Variants in SHKBP1 observed in about 807,000 individuals in gnomAD.
SHKBP1 encodes SH3KBP1-binding protein 1.
Under a neutral mutation model 83.9 loss-of-function variants are expected in SHKBP1, and 71 were observed. The ratio of observed to expected loss-of-function variants is 0.85; its 90% CI spans 0.70 to 1.03. The LOEUF (loss-of-function observed/expected upper bound fraction) is 1.03. SHKBP1 is among the 50% of genes least tolerant of loss of function. SHKBP1 has a pLI of 0.00. For missense variants in SHKBP1, 824 were observed against 982.4 expected (o/e 0.84, Z 2.16); for synonymous variants, 371 against 398.0 (o/e 0.93, Z 0.81).
chr19:40,589,959 G>T (rs1305229060), intron 15 of SHKBP1, among the ~76,000 whole-genome samples: 4 of 151,996 alleles, frequency 2.6e-5, no homozygotes, highest in Admixed American at 2.6e-4. Context: ...CCAGGGAGGA[G>T]GCCAGGAGGC....
At position 40,580,945 on chromosome 19, in the gene SHKBP1, C is replaced by T; in HGVS notation, c.844+9C>T. On this transcript the variant is annotated intron_variant, in intron 9 of 17. Coordinates refer to ENST00000291842, the MANE Select transcript of SHKBP1 (RefSeq NM_138392.4). ...CGGTGGCTCCGAGATAGGTATGACC[C>T]CAAGCCTTTTCCAGAACCCTCTGTC... 1.3e-6 allele frequency: 2 copies of T among 1,525,520 alleles called. No individual in the cohort carries two copies. The highest frequency in any genetic ancestry group is 1.4e-5 in the African/African-American group (1 of 72,056). The allele number at this position is 1,525,520 out of a possible 1,614,324, so 94.5% of individuals were successfully genotyped here.
In SHKBP1 at chr19:40,580,784, GC is replaced by G. The variant is rs1471092029; in HGVS notation, c.697del (p.Arg233AlafsTer49). On this transcript the variant is annotated frameshift_variant, in exon 9 of 18. Coordinates refer to ENST00000291842, the MANE Select transcript of SHKBP1 (RefSeq NM_138392.4). LOFTEE classifies it high-confidence loss of function. ...TCTGGCTGGCAGCTGGTGTTTTCCA[GC>G]CCCCGCCTGGACTGGCCCATCGAAC... is the stretch of plus-strand genomic sequence containing the variant. Reference protein sequence around the residue: ...EASGWQLVFSSPRLDWPIERL... With the variant: ...EASGWQLVFSXPRLDWPIERL... The G allele has an allele frequency of 6.2e-7, 1 of 1,611,306 alleles. No individual in the cohort carries two copies. Among genetic ancestry groups the G allele is most frequent in the Admixed American group, 1.7e-5 (1 of 59,734 alleles).
chr19:40,584,272 GT>G (rs56303204), intron 12 of SHKBP1, among the ~76,000 whole-genome samples: 12,830 of 152,202 alleles, frequency 0.084, 583 homozygotes, highest in Middle Eastern at 0.11. Context: ...TAATCTTTGT[GT>G]TTCTTTCCCA....
intron 4 of SHKBP1, 62 bp from the exon 5 acceptor site, chr19:40,578,092 C>T: frequency 1.4e-6 from 2 of 1,387,222 alleles, no homozygotes; most frequent in Non-Finnish European, 2.0e-6. Flanking sequence ...AAATTACCCT[C>T]TCAGCATTCT....
chr19:40,576,919 C>G lies in SHKBP1; in HGVS notation c.20C>G (p.Ala7Gly). The G allele has an allele frequency of 6.8e-7, 1 of 1,480,430 alleles. No individual in the cohort carries two copies. Among genetic ancestry groups the G allele is most frequent in the South Asian group, 1.4e-5 (1 of 71,692 alleles). 91.7% of individuals were successfully genotyped at this position (1,480,430 alleles called of 1,614,324 possible). A position where few individuals can be genotyped will look rare whatever the true frequency, so the allele number is the denominator to read the frequency against. ...GGGGCCATGGCAGCAGCGGCTACTG[C>G]AGCCGAGGGGGTCCCCAGTCGGGGG... is the stretch of plus-strand genomic sequence containing the variant. MAAAATAAEGVPSRGPP... is the reference protein window; with the variant it reads MAAAATGAEGVPSRGPP... Residue 7 changes from alanine to glycine, a missense_variant, in exon 1 of 18, where the codon GCA (alanine) becomes GGA (glycine). Ala to Gly is a moderately conservative substitution (Grantham distance 60). Around this residue, in one of 3 missense-constraint regions of SHKBP1, gnomAD observed 355 missense variants for 386.4 expected, o/e 0.92. Transcript: ENST00000291842.
chr19:40,583,783 C>A, intron 12 of SHKBP1, 66 bp downstream of exon 12: 3 of 1,252,226 alleles, frequency 2.4e-6, no homozygotes, highest in South Asian at 1.2e-5. Flanking sequence ...CTGCAGCTGT[C>A]CCCCAACTTG....
intron 13 of SHKBP1, among the ~76,000 whole-genome samples, chr19:40,587,869 A>C (rs1431831389): frequency 3.9e-5 from 6 of 152,102 alleles, no homozygotes; most frequent in Non-Finnish European, 8.8e-5. Context: ...GCACCCCTGC[A>C]CTCCAGCCCA....
At chr19:40,580,289 A>G in intron 6 of SHKBP1, 35 bp from the exon 7 acceptor site, 1 of 1,585,474 alleles carries the variant, frequency 6.3e-7, no homozygotes, top group Non-Finnish European at 8.6e-7. Flanking sequence ...CCACGATTAC[A>G]ATGACTGTTA....
At chr19:40,583,905 A>G (rs1012008735) in intron 12 of SHKBP1, among the ~76,000 whole-genome samples, 188 bp downstream of exon 12, 4 of 151,946 alleles carry the variant, frequency 2.6e-5, no homozygotes, top group Admixed American at 2.0e-4. Context: ...CAGTGGTGCA[A>G]TCTTGGCTCA....
Position 40,591,360 on chromosome 19 carries a change from GC to G in SHKBP1, c.*155del, listed in dbSNP as rs1387643331. Reference sequence around the variant, plus strand: ...TCCCCACCTTCCCTCTTTTCTGGAAGCCAAAGTCACCCTCCCCAATAAAGTC... The same window carrying G: ...TCCCCACCTTCCCTCTTTTCTGGAAGCAAAGTCACCCTCCCCAATAAAGTC... On this transcript the variant is annotated 3_prime_UTR_variant, in exon 18 of 18. Transcript: ENST00000291842. The G allele has an allele frequency of 1.1e-5, 7 of 628,422 alleles. No homozygotes were observed. The highest frequency in any genetic ancestry group is 1.8e-5 in the Non-Finnish European group (7 of 389,768). The allele number at this position is 628,422 out of a possible 1,614,324, so 38.9% of individuals were successfully genotyped here.
chr19:40,589,293 C>T (rs1179965230), intron 15 of SHKBP1, 115 bp downstream of exon 15: 7 of 1,053,522 alleles, frequency 6.6e-6, no homozygotes, highest in South Asian at 1.4e-5. Context: ...GGGTCCCAGC[C>T]AAGGAGCATT....
intron 5 of SHKBP1, 31 bp from the exon 6 acceptor site, chr19:40,578,431 A>G (rs1372836537): frequency 1.2e-6 from 2 of 1,612,236 alleles, no homozygotes; most frequent in Non-Finnish European, 1.7e-6. Context: ...GCATCTCCCT[A>G]AGTCCCAGCC....
In SHKBP1 at chr19:40,580,250, T is replaced by C. The variant is rs753141994; in HGVS notation, c.401-74T>C. Reference sequence around the variant, plus strand: ...CCACACATGGGGAAATCAATCACCGTCATATTTTAAGTGCTTGCTGTGTGA... The same window carrying C: ...CCACACATGGGGAAATCAATCACCGCCATATTTTAAGTGCTTGCTGTGTGA... On this transcript the variant is annotated intron_variant, in intron 6 of 17. Coordinates refer to ENST00000291842, the MANE Select transcript of SHKBP1 (RefSeq NM_138392.4). 2.6e-6 allele frequency: 4 copies of C among 1,520,778 alleles called. No homozygotes were observed. In the Admixed American group the frequency reaches 7.8e-5, roughly 30 times the overall value. 94.2% of individuals were successfully genotyped at this position (1,520,778 alleles called of 1,614,324 possible). A position where few individuals can be genotyped will look rare whatever the true frequency, so the allele number is the denominator to read the frequency against.
chr19:40,580,192 C>G, intron 6 of SHKBP1, 132 bp from the exon 7 acceptor site: 1 of 1,041,740 alleles, frequency 9.6e-7, no homozygotes, highest in Non-Finnish European at 1.4e-6. Flanking sequence ...TGTGTCACTG[C>G]ACCACTTAAA....
chr19:40,588,640 C>A lies in SHKBP1; in HGVS notation c.1353C>A (p.Asn451Lys). 1 of 1,614,208 alleles carries A rather than the reference C, an allele frequency of 6.2e-7. No homozygotes were observed. The highest frequency in any genetic ancestry group is 8.5e-7 in the Non-Finnish European group (1 of 1,180,034). ...KHLISVCADN[N>K]HVRTWSVTRF... is the part of the protein sequence containing the mutation. The stretch of plus-strand genomic sequence containing the variant: ...GCCCCTCAGTCTGTGCCGACAACAA[C>A]CACGTGCGGACATGGTCTGTGACTC... Residue 451 changes from asparagine (N) to lysine (K), a missense_variant, in exon 14 of 18, where the codon AAC becomes AAA. Physicochemically the swap from Asn to Lys is moderately conservative, Grantham distance 94. Coordinates refer to ENST00000291842, the MANE Select transcript of SHKBP1 (RefSeq NM_138392.4).
At position 40,590,594 on chromosome 19, in the gene SHKBP1, C is replaced by A; in HGVS notation, c.1769-136C>A. 7.6e-7 allele frequency: 1 copy of A among 1,320,034 alleles called. No homozygotes were observed. 81.8% of individuals were successfully genotyped at this position (1,320,034 alleles called of 1,614,324 possible). ...TGCCCTTGTTTTTCAACCCCTGTCT[C>A]AGCCTCTGGCCCCCATGCATTGATC... On this transcript the variant is annotated intron_variant, in intron 16 of 17. Transcript: ENST00000291842. The surrounding 1 kb of genome is among the most constrained non-coding windows in gnomAD (Gnocchi z 4.6).
intron 12 of SHKBP1, chr19:40,585,479 A>G (rs188199684): frequency 6.7e-6 from 1 of 148,482 alleles, no homozygotes; most frequent in Admixed American, 6.7e-5. Context: ...TTCATGACAC[A>G]TTATCACCTT....
chr19:40,582,274 G>C (rs1334026054), intron 9 of SHKBP1, 77 bp from the exon 10 acceptor site: 1 of 1,148,086 alleles, frequency 8.7e-7, no homozygotes, highest in Non-Finnish European at 1.3e-6. Flanking sequence ...TGAACCCTCT[G>C]GTCCTTGGAG....
At chr19:40,577,090 C>G in intron 1 of SHKBP1, 105 bp downstream of exon 1, 2 of 1,328,616 alleles carry the variant, frequency 1.5e-6, no homozygotes, top group Non-Finnish European at 2.1e-6. Flanking sequence ...TTGCTCCGCC[C>G]CCCCCCCCTT....
Sources: allele counts gnomAD v4.1 joint callset (sites outside exome capture counted in the v4.1 genomes callset), GRCh38; gene constraint gnomAD v4.1.1; regional missense constraint gnomAD v4.1.1; non-coding constraint Gnocchi (gnomAD v3.1); transcripts MANE v1.5; gene names NCBI Gene and HGNC (gene_info 2026-07-23, HGNC 2026-07-21).